Variants in C8orf34 observed in about 807,000 individuals in gnomAD.
C8orf34 encodes the protein chromosome 8 open reading frame 34, also known as uncharacterized protein C8orf34.
In C8orf34, 65 loss-of-function variants were observed where a neutral mutation model predicts 68.3. The ratio of observed to expected loss-of-function variants is 0.95; its 90% CI spans 0.78 to 1.17. The LOEUF is 1.17. Ranked by LOEUF, C8orf34 falls within the 50% of genes most tolerant of loss-of-function variation. The probability of loss-of-function intolerance (pLI) is 0.00; values close to 1 mark genes in which losing one functional copy is unlikely to be tolerated. For synonymous variants in C8orf34, 244 were observed against 241.2 expected (o/e 1.01, Z -0.11); for missense variants, 664 against 655.4 (o/e 1.01, Z -0.14).
intron 6 of C8orf34, among the ~76,000 whole-genome samples, chr8:68,524,166 C>G (rs1814878667): frequency 6.6e-6 from 1 of 152,160 alleles, no homozygotes; most frequent in African/African-American, 2.4e-5. Flanking sequence ...ACATAGCCAG[C>G]TTTCCTTTTC....
chr8:68,799,941 G>A (rs1824281936), intron 12 of C8orf34, among the ~76,000 whole-genome samples: 1 of 152,158 alleles, frequency 6.6e-6, no homozygotes, highest in African/African-American at 2.4e-5. Context: ...AAGAACCACA[G>A]CATGGGCAAG....
rs534624010 is a variant in C8orf34, at chr8:68,808,363, A to G, written c.1550-7523A>G. On this transcript the variant is annotated intron_variant, in intron 12 of 13. Coordinates refer to ENST00000518698, the MANE Select transcript of C8orf34 (RefSeq NM_052958.4). ...TTTTGTTTTCATGCAGTAGGAAAAT[A>G]TTTACTTTCTAATGGTTTTTATTTT... Among the ~76,000 whole-genome samples, 94 of 152,190 alleles carry G rather than the reference A, an allele frequency of 6.2e-4. No individual in the cohort carries two copies. The South Asian group carries it at 0.019, about 31-fold the overall frequency.
chr8:68,401,508 G>C (rs1193805075), intron 1 of C8orf34, among the ~76,000 whole-genome samples: 1 of 151,994 alleles, frequency 6.6e-6, no homozygotes, highest in Admixed American at 6.6e-5. Flanking sequence ...TGTTGGCTTT[G>C]GGTTTCTCAT....
intron 10 of C8orf34, among the ~76,000 whole-genome samples, chr8:68,729,709 T>A (rs981624750): frequency 6.6e-6 from 1 of 152,186 alleles, no homozygotes; most frequent in African/African-American, 2.4e-5. Context: ...CATATAATTC[T>A]TGTATAAAAC....
intron 7 of C8orf34, among the ~76,000 whole-genome samples, chr8:68,555,222 T>C (rs908084521): frequency 1.3e-5 from 2 of 152,128 alleles, no homozygotes; most frequent in African/African-American, 4.8e-5. Context: ...CATTACTAAT[T>C]GTACAACCTT....
chr8:68,579,312 C>T (rs1816994893), intron 7 of C8orf34, among the ~76,000 whole-genome samples: 1 of 152,086 alleles, frequency 6.6e-6, no homozygotes, highest in African/African-American at 2.4e-5. Flanking sequence ...TTTTCTAAAG[C>T]ACTTTCATTC....
At chr8:68,765,220 T>C (rs959435851) in intron 10 of C8orf34, among the ~76,000 whole-genome samples, 6 of 152,216 alleles carry the variant, frequency 3.9e-5, no homozygotes, top group Admixed American at 2.0e-4. Context: ...TTATCGCCAT[T>C]TACAGATGAG....
chr8:68,361,626 C>T (rs1807003898), intron 1 of C8orf34, among the ~76,000 whole-genome samples: 1 of 152,218 alleles, frequency 6.6e-6, no homozygotes, highest in South Asian at 2.1e-4. Context: ...TGCTTATGAG[C>T]TATTGCACCC....
intron 8 of C8orf34, among the ~76,000 whole-genome samples, chr8:68,697,108 G>A (rs1186891569): frequency 6.6e-6 from 1 of 151,872 alleles, no homozygotes; most frequent in South Asian, 2.1e-4. Context: ...GTCCCACACT[G>A]CATATTAAAT....
At chr8:68,589,109 C>A (rs569113504) in intron 7 of C8orf34, among the ~76,000 whole-genome samples, 1 of 152,116 alleles carries the variant, frequency 6.6e-6, no homozygotes, top group Non-Finnish European at 1.5e-5. Context: ...ACAAATAAAT[C>A]GGCTACCAAT....
intron 7 of C8orf34, among the ~76,000 whole-genome samples, chr8:68,597,657 G>A (rs1817586140): frequency 6.6e-6 from 1 of 151,852 alleles, no homozygotes; most frequent in Non-Finnish European, 1.5e-5. Flanking sequence ...GGCGACCAAG[G>A]AAGAACCCCA....
intron 7 of C8orf34, among the ~76,000 whole-genome samples, chr8:68,584,015 C>T (rs1409306840): frequency 6.6e-6 from 1 of 152,070 alleles, no homozygotes; most frequent in Non-Finnish European, 1.5e-5. Flanking sequence ...TGAAAAATTA[C>T]ATTTTTATCA....
chr8:68,669,239 T>C (rs1046857274), intron 8 of C8orf34, among the ~76,000 whole-genome samples: 1 of 152,044 alleles, frequency 6.6e-6, no homozygotes, highest in African/African-American at 2.4e-5. Flanking sequence ...GTGGGGGATG[T>C]TGATAATGGG....
chr8:68,381,656 C>T (rs1230404214), intron 1 of C8orf34, among the ~76,000 whole-genome samples: 1 of 133,406 alleles, frequency 7.5e-6, no homozygotes, highest in African/African-American at 2.9e-5. Context: ...GGCGTGAACC[C>T]GGGAAGCGGA....
chr8:68,524,573 A>T (rs1462863870), intron 6 of C8orf34, among the ~76,000 whole-genome samples: 1 of 152,190 alleles, frequency 6.6e-6, no homozygotes, highest in Non-Finnish European at 1.5e-5. Context: ...AAGTGAGAGG[A>T]ATTCACCGAA....
At chr8:68,513,367 G>A (rs894157660) in intron 5 of C8orf34, among the ~76,000 whole-genome samples, 6 of 152,116 alleles carry the variant, frequency 3.9e-5, no homozygotes, top group Admixed American at 3.9e-4. Context: ...AAAAGACAGG[G>A]CTAGGGGTAC....
At chr8:68,814,546 T>A (rs1824751192) in intron 12 of C8orf34, among the ~76,000 whole-genome samples, 1 of 152,204 alleles carries the variant, frequency 6.6e-6, no homozygotes, top group African/African-American at 2.4e-5. Context: ...CCAAATATTT[T>A]TTTGTAGTTC....
intron 1 of C8orf34, among the ~76,000 whole-genome samples, chr8:68,393,175 C>T (rs1808543379): frequency 6.6e-6 from 1 of 152,068 alleles, no homozygotes; most frequent in Non-Finnish European, 1.5e-5. Flanking sequence ...GGTCTGAAAC[C>T]AGGGGAGAGT....
chr8:68,488,791 G>A (rs1041615327), intron 5 of C8orf34, among the ~76,000 whole-genome samples: 1 of 152,126 alleles, frequency 6.6e-6, no homozygotes, highest in South Asian at 2.1e-4. Context: ...TGTTGCTTAT[G>A]AGAGAGATTT....
Sources: gnomAD v4.1 joint callset for allele counts (sites outside exome capture counted in the v4.1 genomes callset) on GRCh38, gnomAD v4.1.1 for gene constraint, MANE v1.5 for transcripts, NCBI Gene and HGNC (gene_info 2026-07-23, HGNC 2026-07-21) for gene names.